The following GART variants were observed in gnomAD, a reference collection of about 807,000 sequenced individuals.
GART encodes the protein trifunctional purine biosynthetic protein adenosine-3.
GART carries 43 observed loss-of-function variants against 107.2 expected under a neutral mutation model. That is an observed-to-expected ratio of 0.40 (90% CI 0.31 to 0.52). The LOEUF is 0.52. Ranked by LOEUF, GART falls within the 20% of genes least tolerant of loss-of-function variation. GART has a pLI of 0.52. For synonymous variants in GART, 434 were observed against 427.0 expected, an observed-to-expected ratio of 1.02 and a Z score of -0.20; for missense variants, 1,107 against 1,206.5, an observed-to-expected ratio of 0.92 and a Z score of 1.22.
chr21:33,516,832 A>G (rs2084887757), intron 16 of GART, among the ~76,000 whole-genome samples, 157 bp downstream of exon 16: 1 of 152,212 alleles, frequency 6.6e-6, no homozygotes, highest in Admixed American at 6.5e-5. Flanking sequence ...AAGCAAAAAG[A>G]GATAGAAAAG....
chr21:33,520,546 T>A lies in GART; in HGVS notation c.1520A>T (p.Asn507Ile). The A allele has an allele frequency of 6.2e-7, 1 of 1,614,024 alleles. No homozygotes were observed. Among genetic ancestry groups the A allele is most frequent in the Non-Finnish European group, 8.5e-7 (1 of 1,179,920 alleles). ...ATCTTGACCAATGGTATCATGTTTA[T>A]TGCATAGCTGGGCAATCTATGTAAG... is the stretch of plus-strand genomic sequence containing the variant. Reference protein sequence around the residue: ...GTKLKIAQLCNKHDTIGQDLV... With the variant: ...GTKLKIAQLCIKHDTIGQDLV... The change falls in exon 14 of 22, where the codon AAT (asparagine) becomes ATT (isoleucine). Residue 507 changes from asparagine (N) to isoleucine (I), a missense_variant. Physicochemically the swap from Asn to Ile is moderately radical, Grantham distance 149 (BLOSUM62 -3). Transcript: ENST00000381815.
chr21:33,539,965 C>G (rs536240913), intron 1 of GART, among the ~76,000 whole-genome samples: 3 of 152,054 alleles, frequency 2.0e-5, no homozygotes, highest in African/African-American at 4.8e-5. Context: ...AATCATCATG[C>G]CTTAGTTATG....
intron 14 of GART, 70 bp downstream of exon 14, chr21:33,520,294 C>T: frequency 7.2e-7 from 1 of 1,386,482 alleles, no homozygotes; most frequent in Non-Finnish European, 1.0e-6. Flanking sequence ...TGGCACTGAT[C>T]ACATTTTTAC....
At chr21:33,540,352 A>G (rs1449561951) in intron 1 of GART, among the ~76,000 whole-genome samples, 1 of 152,196 alleles carries the variant, frequency 6.6e-6, no homozygotes, top group Non-Finnish European at 1.5e-5. Flanking sequence ...CTATAATTTG[A>G]ATTTCATAAA....
intron 2 of GART, among the ~76,000 whole-genome samples, chr21:33,538,241 CAAAA>C (rs397866694): frequency 6.8e-5 from 6 of 88,406 alleles, no homozygotes; most frequent in African/African-American, 2.2e-4. Context: ...GACTCTGTCT[CAAAA>C]AAAAAAAAAA....
intron 1 of GART, among the ~76,000 whole-genome samples, chr21:33,541,601 G>T (rs991115426): frequency 1.3e-5 from 2 of 152,208 alleles, no homozygotes; most frequent in African/African-American, 4.8e-5. Flanking sequence ...CTTGGCCTGG[G>T]TAGAGACGCT....
chr21:33,532,505 A>G (rs565830655), intron 4 of GART, 49 bp from the exon 5 acceptor site: 1 of 1,368,912 alleles, frequency 7.3e-7, no homozygotes, highest in African/African-American at 1.4e-5. Flanking sequence ...TTACAACTCA[A>G]GATTTTAAAA....
At position 33,534,710 on chromosome 21, in the gene GART, G is replaced by A; in HGVS notation, c.285C>T (p.Gly95=). The change falls in exon 4 of 22, where the codon GGC becomes GGT. Residue 95 remains glycine, a synonymous_variant. Transcript: ENST00000381815. The part of the protein sequence containing the change: ...NLRSAGVQCF[G]PTAEAAQLES... The stretch of plus-strand genomic sequence containing the variant: ...CTAACTGAGCCGCTTCTGCTGTTGG[G>A]CCAAAGCATTGCACTCCTGCAGACC... 1 of 1,610,266 alleles carries A rather than the reference G, an allele frequency of 6.2e-7. No homozygotes were observed.
intron 4 of GART, among the ~76,000 whole-genome samples, chr21:33,533,406 C>T (rs2085233865): frequency 6.8e-6 from 1 of 146,292 alleles, no homozygotes; most frequent in South Asian, 2.1e-4. Flanking sequence ...GATAGCGCCA[C>T]TGCAGTCCGG....
chr21:33,523,160 A>C, intron 11 of GART, among the ~76,000 whole-genome samples: 1 of 152,234 alleles, frequency 6.6e-6, no homozygotes, highest in Non-Finnish European at 1.5e-5. Flanking sequence ...TGCAAAAATG[A>C]GAACTCTGGC....
chr21:33,507,421 A>G (rs2084701128), intron 18 of GART, among the ~76,000 whole-genome samples: 1 of 152,192 alleles, frequency 6.6e-6, no homozygotes, highest in African/African-American at 2.4e-5. Context: ...AGACGGGGAG[A>G]GGGGATGCTA....
At chr21:33,512,089 C>T (rs2084794284) in intron 16 of GART, among the ~76,000 whole-genome samples, 2 of 151,546 alleles carry the variant, frequency 1.3e-5, no homozygotes, top group South Asian at 2.1e-4. Context: ...ATCGAGACCA[C>T]CCTGGCCAAG....
intron 17 of GART, 44 bp downstream of exon 17, chr21:33,511,208 T>C (rs1248390999): frequency 1.2e-6 from 2 of 1,605,336 alleles, no homozygotes; most frequent in Admixed American, 1.7e-5. Flanking sequence ...GCTAAAATTA[T>C]ACAGCTAAAA....
At chr21:33,522,388 A>C in intron 11 of GART, 106 bp from the exon 12 acceptor site, 5 of 865,824 alleles carry the variant, frequency 5.8e-6, no homozygotes, top group Non-Finnish European at 8.9e-6. Context: ...CACATACCCT[A>C]AAGTGCTTAA....
At chr21:33,525,376 A>C (rs893377353) in intron 10 of GART, among the ~76,000 whole-genome samples, 2 of 152,180 alleles carry the variant, frequency 1.3e-5, no homozygotes, top group African/African-American at 4.8e-5. Context: ...TCTCCAAATA[A>C]ATAAATACAT....
Position 33,539,248 on chromosome 21 carries a change from T to C in GART, c.68A>G (p.Gln23Arg), listed in dbSNP as rs772767016. The change falls in exon 2 of 22, where the codon CAG (glutamine) becomes CGG (arginine). Residue 23 changes from glutamine to arginine, a missense_variant. Gln to Arg is a conservative substitution (Grantham distance 43). Transcript: ENST00000381815. ...CAACACTTGTTTGACATGATGAGAC[T>C]GTGCAAGTTTCCAGGCCAGCGTATG... is the stretch of plus-strand genomic sequence containing the variant. The part of the protein sequence containing the change: ...REHTLAWKLA[Q>R]SHHVKQVLVA... The C allele has an allele frequency of 1.2e-5, 19 of 1,614,222 alleles. No homozygotes were observed. In the Middle Eastern group the frequency reaches 1.6e-3, roughly 140 times the overall value.
Position 33,524,663 on chromosome 21 carries a change from G to A in GART, c.1298+106C>T, listed in dbSNP as rs140095508. ...AAACCAAGACTGTATCACTCCCACA[G>A]AGAGAAAAGAATACTGAATGACTTA... On this transcript the variant is annotated intron_variant, in intron 11 of 21. Coordinates refer to ENST00000381815, the MANE Select transcript of GART (RefSeq NM_000819.5). 2.3e-4 allele frequency: 353 copies of A among 1,519,812 alleles called. 2 individuals carry two copies. In the East Asian group the frequency reaches 6.9e-3, roughly 30 times the overall value. 94.1% of individuals were successfully genotyped at this position (1,519,812 alleles called of 1,614,324 possible).
chr21:33,511,925 C>T (rs768515135), intron 16 of GART, among the ~76,000 whole-genome samples: 1 of 152,118 alleles, frequency 6.6e-6, no homozygotes, highest in African/African-American at 2.4e-5. Context: ...GATCAACACC[C>T]TCTCCCTCTC....
At chr21:33,535,627 T>G (rs761598160) in intron 2 of GART, among the ~76,000 whole-genome samples, 6 of 152,170 alleles carry the variant, frequency 3.9e-5, no homozygotes, top group Non-Finnish European at 7.3e-5. Flanking sequence ...GACTGTATAT[T>G]AAACAAAAAA....
Sources: allele counts gnomAD v4.1 joint callset (sites outside exome capture counted in the v4.1 genomes callset), GRCh38; gene constraint gnomAD v4.1.1; transcripts MANE v1.5; gene names NCBI Gene and HGNC (gene_info 2026-07-23, HGNC 2026-07-21).